TBL3: variants seen among roughly 807,000 people sequenced by gnomAD.
TBL3 encodes transducin beta-like protein 3.
TBL3 carries 71 observed loss-of-function variants against 102.7 expected under a neutral mutation model. The ratio of observed to expected loss-of-function variants is 0.69; its 90% CI spans 0.57 to 0.84. TBL3 has a LOEUF of 0.84. Among genes scored for constraint, TBL3 ranks in the 40% least tolerant of loss-of-function variants. The probability of loss-of-function intolerance (pLI) is 0.00; values close to 1 mark genes in which losing one functional copy is unlikely to be tolerated. For synonymous variants in TBL3, 578 were observed against 477.7 expected, an observed-to-expected ratio of 1.21 and a Z score of -2.74; for missense variants, 1,188 against 1,098.5, an observed-to-expected ratio of 1.08 and a Z score of -1.15.
In TBL3 at chr16:1,981,161, G is replaced by A. The variant is rs747712950; in HGVS notation, c.*2476G>A. 20 of 1,613,412 alleles carry A rather than the reference G, an allele frequency of 1.2e-5. No homozygotes were observed. The African/African-American group carries it at 1.9e-4, about 15-fold the overall frequency. ...AGGGCTGCCCCTTGCACTGAAACTG[G>A]GTATCGGGGGCCTGCCATGGCTGTG... On this transcript the variant is annotated 3_prime_UTR_variant, in exon 22 of 22. Transcript: ENST00000568546.
rs1436928405 is a variant in TBL3, at chr16:1,976,250, C to T, written c.1228C>T (p.Gln410Ter). Residue 410 changes from glutamine to a stop codon, truncating the protein, a stop_gained, in exon 13 of 22, where the codon CAG (glutamine) becomes TAG (stop). Transcript: ENST00000568546. LOFTEE classifies it high-confidence loss of function. ...VRIWRMNKAG[Q>*]VMCVAQGSGH... ...TATCTGGAGAATGAACAAGGCTGGC[C>T]AGGTGATGTGCGTGGCTCAGGGTTC... is the stretch of plus-strand genomic sequence containing the variant. The T allele has an allele frequency of 6.2e-7, 1 of 1,614,170 alleles. No homozygotes were observed. The highest frequency in any genetic ancestry group is 1.1e-5 in the South Asian group (1 of 91,088).
In TBL3 at chr16:1,974,578, G is replaced by A. The variant is rs1324937515; in HGVS notation, c.278G>A (p.Trp93Ter). The change falls in exon 5 of 22, where the codon TGG (tryptophan) becomes TAG (stop). Residue 93 changes from tryptophan (W) to a stop codon, truncating the protein, a stop_gained. Coordinates refer to ENST00000568546, the MANE Select transcript of TBL3 (RefSeq NM_006453.3). LOFTEE classifies it high-confidence loss of function. The stretch of plus-strand genomic sequence containing the variant: ...AGTCGGGCATTGCTGCTGGCTCAGT[G>A]GGCCTGGCAAGAGGGCAGCGTTACC... Reference protein sequence around the residue: ...TASRALLLAQWAWQEGSVTRL... With the variant: ...TASRALLLAQ The A allele has an allele frequency of 1.2e-6, 2 of 1,611,118 alleles. No homozygotes were observed. The highest frequency in any genetic ancestry group is 8.5e-7 in the Non-Finnish European group (1 of 1,178,308).
chr16:1,978,123 C>G, intron 19 of TBL3, 26 bp from the exon 20 acceptor site: 2 of 1,611,918 alleles, frequency 1.2e-6, no homozygotes, highest in Non-Finnish European at 1.7e-6. Flanking sequence ...CTGCTTTCCC[C>G]AGCTCAGCCT....
Position 1,978,983 on chromosome 16 carries a change from G to T in TBL3, c.*298G>T. On this transcript the variant is annotated 3_prime_UTR_variant, in exon 22 of 22. Coordinates refer to ENST00000568546, the MANE Select transcript of TBL3 (RefSeq NM_006453.3). The stretch of plus-strand genomic sequence containing the variant: ...CCCTCCCATCCCTGCTGGCCAGGGA[G>T]ATCCGCCCTCCCCGCTCCTCCCCAG... The T allele has an allele frequency of 7.0e-7, 1 of 1,421,108 alleles. No individual in the cohort carries two copies. Among genetic ancestry groups the T allele is most frequent in the Non-Finnish European group, 9.4e-7 (1 of 1,066,038 alleles). 88.0% of individuals were successfully genotyped at this position (1,421,108 alleles called of 1,614,324 possible).
intron 7 of TBL3, 41 bp downstream of exon 7, chr16:1,975,139 T>C (rs370023140): frequency 3.7e-6 from 6 of 1,613,088 alleles, no homozygotes; most frequent in Non-Finnish European, 5.1e-6. Context: ...GCTTGGAAAG[T>C]GGGGGCTGAG....
chr16:1,978,321 C>G lies in TBL3; in HGVS notation c.2143C>G (p.Leu715Val). 1 of 1,609,566 alleles carries G rather than the reference C, an allele frequency of 6.2e-7. No homozygotes were observed. Reference protein sequence around the residue: ...RLRRDQKEALLRFCVTWNTNS... With the variant: ...RLRRDQKEALVRFCVTWNTNS... ...GGTCCTGTTGCCCACAGAGGCCCTG[C>G]TGCGCTTCTGCGTCACGTGGAACAC... Residue 715 changes from leucine to valine, a missense_variant, in exon 21 of 22, where the codon CTG becomes GTG. Leu to Val is a conservative substitution (Grantham distance 32). Transcript: ENST00000568546.
chr16:1,977,340 AC>A lies in TBL3; in HGVS notation c.1672-10del, dbSNP rs1323853828. 2.5e-6 allele frequency: 4 copies of A among 1,611,994 alleles called. No individual in the cohort carries two copies. The highest frequency in any genetic ancestry group is 1.3e-5 in the African/African-American group (1 of 74,318). Reference sequence around the variant, plus strand: ...CCGCCCTGGTGACATCTCATGCCCTACCCCCCACCTTGCAGACATTTGAGGG... The same window carrying A: ...CCGCCCTGGTGACATCTCATGCCCTACCCCCACCTTGCAGACATTTGAGGG... On this transcript the variant is annotated splice_polypyrimidine_tract_variant and intron_variant, in intron 15 of 21. Transcript: ENST00000568546.
At position 1,976,191 on chromosome 16, in the gene TBL3, C is replaced by A; in HGVS notation, c.1189-20C>A. ...AGTAGGCCCATGGACCAGCCTCTCT[C>A]CTCAACTCCCTGTCCCCAGGATCAG... On this transcript the variant is annotated intron_variant, in intron 12 of 21. Transcript: ENST00000568546. 6.2e-7 allele frequency: 1 copy of A among 1,614,112 alleles called. No homozygotes were observed. Among genetic ancestry groups the A allele is most frequent in the South Asian group, 1.1e-5 (1 of 91,082 alleles).
intron 13 of TBL3, 119 bp from the exon 14 acceptor site, chr16:1,976,695 G>A (rs1420461731): frequency 1.4e-5 from 18 of 1,271,968 alleles, no homozygotes; most frequent in South Asian, 2.8e-5. Context: ...AGGCCAACCC[G>A]CATCCTGGGA....
intron 10 of TBL3, 34 bp downstream of exon 10, chr16:1,975,744 C>G (rs550959582): frequency 6.2e-7 from 1 of 1,612,602 alleles, no homozygotes; most frequent in Non-Finnish European, 8.5e-7. Context: ...CTGGAGGCTG[C>G]GGGCACCAGC....
At position 1,978,155 on chromosome 16, in the gene TBL3, G is replaced by A. The variant is rs79412280; in HGVS notation, c.2069G>A (p.Arg690Gln). 6,729 of 1,612,716 alleles carry A rather than the reference G, an allele frequency of 4.2e-3. 17 individuals are homozygous for A. The highest frequency in any genetic ancestry group is 6.1e-3 in the Admixed American group (366 of 60,012). The change falls in exon 20 of 22, where the codon CGG becomes CAG. Residue 690 changes from arginine to glutamine, a missense_variant. Coordinates refer to ENST00000568546, the MANE Select transcript of TBL3 (RefSeq NM_006453.3). Reference protein sequence around the residue: ...HTVLTVIQAIRRDPEACEKLE... With the variant: ...HTVLTVIQAIQRDPEACEKLE... ...GCCTTCCCTTCTCCCACAGCCATCC[G>A]GAGGGACCCTGAGGCCTGCGAGAAG...
rs371550862 is a variant in TBL3 at position 1,978,443 on chromosome 16, A to G, written c.2265A>G (p.Ala755=). The part of the protein sequence containing the change: ...EELLAYEGVR[A]ALEALLPYTE... Reference sequence around the variant, plus strand: ...TGCTGGCCTACGAAGGCGTGCGGGCAGCGCTTGAGGCCCTGCTGCCCTACA... The same window carrying G: ...TGCTGGCCTACGAAGGCGTGCGGGCGGCGCTTGAGGCCCTGCTGCCCTACA... The change falls in exon 21 of 22, where the codon GCA becomes GCG. Residue 755 remains alanine, a synonymous_variant. Coordinates refer to ENST00000568546, the MANE Select transcript of TBL3 (RefSeq NM_006453.3). 1.9e-6 allele frequency: 3 copies of G among 1,609,432 alleles called. No homozygotes were observed. Among genetic ancestry groups the G allele is most frequent in the Middle Eastern group, 1.7e-4 (1 of 6,054 alleles).
intron 4 of TBL3, 25 bp from the exon 5 acceptor site, chr16:1,974,513 T>C: frequency 6.3e-7 from 1 of 1,588,864 alleles, no homozygotes; most frequent in East Asian, 2.2e-5. Context: ...TTGCTGCCCC[T>C]CTGCTGACCT....
chr16:1,975,298 G>A (rs748814452), intron 8 of TBL3, 36 bp downstream of exon 8: 1 of 1,613,866 alleles, frequency 6.2e-7, no homozygotes, highest in Non-Finnish European at 8.5e-7. Context: ...GGTTGAGTTG[G>A]GTGGGGAGGG....
Position 1,980,443 on chromosome 16 carries a change from C to A in TBL3, c.*1758C>A, listed in dbSNP as rs1220896638. 17 of 1,602,180 alleles carry A rather than the reference C, an allele frequency of 1.1e-5. No homozygotes were observed. The highest frequency in any genetic ancestry group is 1.4e-5 in the Non-Finnish European group (16 of 1,179,856). ...CCAGTGATCGTCGGGCTCCGTGCCACGCGCTCTGCAGTCGCCAGCAGCCTC... is the reference window on the plus strand; with the variant it reads ...CCAGTGATCGTCGGGCTCCGTGCCAAGCGCTCTGCAGTCGCCAGCAGCCTC... On this transcript the variant is annotated 3_prime_UTR_variant, in exon 22 of 22. Transcript: ENST00000568546.
Position 1,981,047 on chromosome 16 carries a change from T to C in TBL3, c.*2362T>C. ...GGGGGACAAAAAGTTGGGAGTGCCG[T>C]GGAGGTGCTGGTCCAGGCACCCCCT... On this transcript the variant is annotated 3_prime_UTR_variant, in exon 22 of 22. Transcript: ENST00000568546. 4.3e-6 allele frequency: 7 copies of C among 1,611,686 alleles called. No individual in the cohort carries two copies. In the African/African-American group the frequency reaches 5.3e-5, roughly 12 times the overall value.
Position 1,979,836 on chromosome 16 carries a change from C to T in TBL3, c.*1151C>T, listed in dbSNP as rs2083461661. The T allele has an allele frequency of 6.3e-7, 1 of 1,575,576 alleles. No individual in the cohort carries two copies. Among genetic ancestry groups the T allele is most frequent in the Non-Finnish European group, 8.6e-7 (1 of 1,162,166 alleles). Reference sequence around the variant, plus strand: ...CTCCCTCCCGGCCTTGGCCCGGGGCCGCCTCCTCCAGGTAGGGCGCTGGAA... The same window carrying T: ...CTCCCTCCCGGCCTTGGCCCGGGGCTGCCTCCTCCAGGTAGGGCGCTGGAA... On this transcript the variant is annotated 3_prime_UTR_variant, in exon 22 of 22. Transcript: ENST00000568546.
Position 1,979,246 on chromosome 16 carries a change from C to A in TBL3, c.*561C>A. 6.6e-7 allele frequency: 1 copy of A among 1,515,424 alleles called. No individual in the cohort carries two copies. Among genetic ancestry groups the A allele is most frequent in the East Asian group, 2.5e-5 (1 of 39,592 alleles). The allele number at this position is 1,515,424 out of a possible 1,614,324, so 93.9% of individuals were successfully genotyped here. Reference sequence around the variant, plus strand: ...GGTTCAGGGAAGCCCCGGGCCTCACCCGCCGGGTCGTCTCCTCCACGGAAC... The same window carrying A: ...GGTTCAGGGAAGCCCCGGGCCTCACACGCCGGGTCGTCTCCTCCACGGAAC... On this transcript the variant is annotated 3_prime_UTR_variant, in exon 22 of 22. Coordinates refer to ENST00000568546, the MANE Select transcript of TBL3 (RefSeq NM_006453.3).
chr16:1,975,134 G>A, intron 7 of TBL3, 36 bp downstream of exon 7: 2 of 1,613,314 alleles, frequency 1.2e-6, no homozygotes, highest in Non-Finnish European at 1.7e-6. Flanking sequence ...GGGAGGCTTG[G>A]AAAGTGGGGG....
Sources: allele counts gnomAD v4.1 joint callset, GRCh38; gene constraint gnomAD v4.1.1; transcripts MANE v1.5; gene names NCBI Gene and HGNC (gene_info 2026-07-23, HGNC 2026-07-21).